Variants in ACMSD observed in about 807,000 individuals in gnomAD.
The protein encoded by ACMSD is 2-amino-3-carboxymuconate-6-semialdehyde decarboxylase.
ACMSD carries 37 observed loss-of-function variants against 45.9 expected under a neutral mutation model. That is an observed-to-expected ratio of 0.81 (90% CI 0.62 to 1.06). The LOEUF (loss-of-function observed/expected upper bound fraction) is 1.06. ACMSD is among the 50% of genes least tolerant of loss of function. The pLI, the probability that ACMSD is intolerant of heterozygous loss-of-function variation, is 0.00. For synonymous variants in ACMSD, 138 were observed against 148.8 expected (o/e 0.93, Z 0.53); for missense variants, 434 against 420.9 (o/e 1.03, Z -0.27).
intron 8 of ACMSD, among the ~76,000 whole-genome samples, chr2:134,885,279 T>A (rs1241463584): frequency 1.6e-5 from 1 of 63,606 alleles, no homozygotes; most frequent in African/African-American, 8.8e-5. Context: ...ATATATATAT[T>A]ATATATTATA....
At chr2:134,889,135 G>A (rs1689628654) in intron 8 of ACMSD, among the ~76,000 whole-genome samples, 1 of 152,190 alleles carries the variant, frequency 6.6e-6, no homozygotes, top group Non-Finnish European at 1.5e-5. Context: ...AAAATGGCAG[G>A]TGTCTCACTG....
intron 7 of ACMSD, among the ~76,000 whole-genome samples, chr2:134,872,043 A>G (rs969924539): frequency 2.1e-5 from 3 of 145,782 alleles, no homozygotes; most frequent in Non-Finnish European, 4.5e-5. Context: ...TGCACCCTCC[A>G]CCTCCCAGGT....
intron 6 of ACMSD, among the ~76,000 whole-genome samples, chr2:134,869,333 C>A (rs911884195): frequency 6.6e-6 from 1 of 152,102 alleles, no homozygotes; most frequent in African/African-American, 2.4e-5. Context: ...CTGCCTCAGC[C>A]TCCCAAGTAG....
At chr2:134,899,359 T>C (rs966170733) in intron 9 of ACMSD, among the ~76,000 whole-genome samples, 1 of 152,178 alleles carries the variant, frequency 6.6e-6, no homozygotes, top group African/African-American at 2.4e-5. Flanking sequence ...GACTATTTTA[T>C]ACACAAAGTG....
intron 8 of ACMSD, among the ~76,000 whole-genome samples, chr2:134,895,394 A>T (rs1183508075): frequency 7.5e-6 from 1 of 134,040 alleles, no homozygotes. Flanking sequence ...GTTGAAGAAA[A>T]TTAAAGAAGA....
intron 8 of ACMSD, among the ~76,000 whole-genome samples, chr2:134,881,685 A>G (rs1438855740): frequency 6.6e-6 from 1 of 152,212 alleles, no homozygotes; most frequent in East Asian, 1.9e-4. Flanking sequence ...ACGTATTAGA[A>G]ATATTTCCAA....
chr2:134,859,211 G>C, intron 2 of ACMSD, 50 bp from the exon 3 acceptor site: 1 of 1,462,194 alleles, frequency 6.8e-7, no homozygotes, highest in South Asian at 1.1e-5. Context: ...GGAAAGATTA[G>C]TCCAAGTGGT....
intron 1 of ACMSD, among the ~76,000 whole-genome samples, chr2:134,843,652 T>C (rs1686912872): frequency 2.0e-5 from 3 of 152,082 alleles, no homozygotes; most frequent in East Asian, 1.9e-4. Context: ...AAGTGAGAGG[T>C]TGAGTTGATG....
intron 8 of ACMSD, among the ~76,000 whole-genome samples, chr2:134,897,829 T>C (rs1008243747): frequency 1.1e-4 from 16 of 151,628 alleles, no homozygotes; most frequent in Non-Finnish European, 2.1e-4. Context: ...GAATTGTTTA[T>C]AGGAACTGAT....
chr2:134,857,828 C>CATAG (rs1687654273), intron 2 of ACMSD: 1 of 149,236 alleles, frequency 6.7e-6, no homozygotes, highest in Admixed American at 6.6e-5. Flanking sequence ...GATTGCCATA[C>CATAG]ATAGACTTTA....
At chr2:134,855,709 C>T (rs1418824314) in intron 2 of ACMSD, among the ~76,000 whole-genome samples, 3 of 152,216 alleles carry the variant, frequency 2.0e-5, no homozygotes, top group Non-Finnish European at 2.9e-5. Context: ...CTGACCTGTT[C>T]CCCATCCCTG....
intron 2 of ACMSD, among the ~76,000 whole-genome samples, chr2:134,847,855 CTTT>C (rs113677848): frequency 3.5e-5 from 5 of 141,942 alleles, no homozygotes; most frequent in African/African-American, 7.8e-5. Flanking sequence ...TCTTCTTTTT[CTTT>C]TTTTTTTTTT....
At chr2:134,868,791 C>T (rs970595378) in intron 6 of ACMSD, among the ~76,000 whole-genome samples, 2 of 152,116 alleles carry the variant, frequency 1.3e-5, no homozygotes, top group African/African-American at 2.4e-5. Context: ...TTTCTCTCCT[C>T]AGCCCAACTA....
At chr2:134,845,551 CTCT>C (rs1687016084) in intron 2 of ACMSD, among the ~76,000 whole-genome samples, 6 of 149,614 alleles carry the variant, frequency 4.0e-5, no homozygotes, top group South Asian at 2.2e-4. Context: ...CTCTCTCTCT[CTCT>C]CCCCTCTCCC....
intron 8 of ACMSD, among the ~76,000 whole-genome samples, chr2:134,892,225 AT>A (rs58468490): frequency 0.58 from 88,021 of 150,634 alleles, 27,312 homozygotes; most frequent in Middle Eastern, 0.91. Flanking sequence ...CCTTACATGT[AT>A]TTTTTTTTTA....
At chr2:134,866,724 T>C (rs919415923) in intron 5 of ACMSD, among the ~76,000 whole-genome samples, 2 of 152,250 alleles carry the variant, frequency 1.3e-5, no homozygotes, top group African/African-American at 4.8e-5. Context: ...GGGAAATCTC[T>C]TTTGAATCTT....
chr2:134,898,238 G>T, intron 8 of ACMSD, 103 bp from the exon 9 acceptor site: 1 of 618,258 alleles, frequency 1.6e-6, no homozygotes, highest in African/African-American at 1.9e-5. Flanking sequence ...GAAAAAATGT[G>T]TTATTTTTAT....
chr2:134,849,700 T>C (rs1369689391), intron 2 of ACMSD, among the ~76,000 whole-genome samples: 1 of 152,226 alleles, frequency 6.6e-6, no homozygotes, highest in Non-Finnish European at 1.5e-5. Flanking sequence ...TCATTTGTCA[T>C]GGCAAAGCCT....
chr2:134,864,556 T>A (rs188702229), intron 5 of ACMSD, among the ~76,000 whole-genome samples: 1 of 152,314 alleles, frequency 6.6e-6, no homozygotes, highest in East Asian at 1.9e-4. Context: ...GCACGATTTT[T>A]AAATAACTGC....
Sources: allele counts gnomAD v4.1 joint callset (sites outside exome capture counted in the v4.1 genomes callset), GRCh38; gene constraint gnomAD v4.1.1; transcripts MANE v1.5; gene names NCBI Gene and HGNC (gene_info 2026-07-23, HGNC 2026-07-21).